The following KDR variants were observed in gnomAD, a reference collection of about 807,000 sequenced individuals.
KDR encodes the protein kinase insert domain receptor, also known as vascular endothelial growth factor receptor 2.
In KDR, 43 loss-of-function variants were observed where a neutral mutation model predicts 160.9. The ratio of observed to expected loss-of-function variants is 0.27; its 90% confidence interval spans 0.21 to 0.34. KDR has a LOEUF of 0.34. KDR is among the 10% of genes least tolerant of loss of function. The pLI is 1.00. For missense variants in KDR, 1,469 were observed against 1,666.4 expected (o/e 0.88, Z 2.06); for synonymous variants, 617 against 600.1 (o/e 1.03, Z -0.41).
At chr4:55,088,996 T>G in intron 25 of KDR, 23 bp from the exon 26 acceptor site, 1 of 1,496,902 alleles carries the variant, frequency 6.7e-7, no homozygotes. Context: ...AACACTGATT[T>G]CATTAAATGC....
chr4:55,087,908 A>C, intron 26 of KDR, 150 bp from the exon 27 acceptor site: 1 of 765,972 alleles, frequency 1.3e-6, no homozygotes. Flanking sequence ...AATACAAATC[A>C]TGTGTCAGAA....
At chr4:55,088,083 A>G (rs1719907269) in intron 26 of KDR, among the ~76,000 whole-genome samples, 1 of 152,146 alleles carries the variant, frequency 6.6e-6, no homozygotes, top group African/African-American at 2.4e-5. Flanking sequence ...TCACTCATTC[A>G]CAAAGCCCTA....
chr4:55,115,088 A>G (rs1344032664), intron 4 of KDR, 46 bp from the exon 5 acceptor site: 2 of 1,482,652 alleles, frequency 1.3e-6, no homozygotes. Flanking sequence ...AGTACCAAAA[A>G]TGAGAGCCAT....
chr4:55,112,523 A>ATT (rs72203928), intron 7 of KDR, among the ~76,000 whole-genome samples: 80 of 117,112 alleles, frequency 6.8e-4, no homozygotes, highest in South Asian at 1.4e-3. Context: ...TTATACCTTG[A>ATT]TTTTTTTTTT....
intron 15 of KDR, among the ~76,000 whole-genome samples, chr4:55,099,311 C>A (rs180714788): frequency 1.3e-5 from 2 of 152,208 alleles, no homozygotes; most frequent in African/African-American, 2.4e-5. Flanking sequence ...TAAGCCACCA[C>A]ACCTGGCCTA....
intron 12 of KDR, among the ~76,000 whole-genome samples, chr4:55,105,621 T>A (rs1720428627): frequency 1.3e-5 from 2 of 152,146 alleles, no homozygotes; most frequent in African/African-American, 4.8e-5. Flanking sequence ...AACCATTCTC[T>A]CTCCAGTGTA....
chr4:55,093,457 T>C (rs1048583284), intron 21 of KDR, among the ~76,000 whole-genome samples: 6 of 152,220 alleles, frequency 3.9e-5, no homozygotes, highest in African/African-American at 1.4e-4. Flanking sequence ...TTAGTTGTAG[T>C]AATAAATTCG....
In KDR at chr4:55,086,262, AG is replaced by A. The variant is rs530749002; in HGVS notation, c.3662+1344del. Among the ~76,000 whole-genome samples the A allele has an allele frequency of 3.1e-3, 478 of 152,314 alleles. 3 individuals are homozygous for A. Among genetic ancestry groups the A allele is most frequent in the Non-Finnish European group, 5.4e-3 (368 of 68,032 alleles). ...AGGTATCTTTTACTGAGTGCTTTCA[AG>A]GGCCAGGTGCTTAGAAATAGATTAT... On this transcript the variant is annotated intron_variant, in intron 27 of 29. Transcript: ENST00000263923.
rs1720319518 is a variant in KDR at position 55,101,889 on chromosome 4, C to G, written c.2266+8G>C. 1 of 1,611,260 alleles carries G rather than the reference C, an allele frequency of 6.2e-7. No individual in the cohort carries two copies. The highest frequency in any genetic ancestry group is 8.5e-7 in the Non-Finnish European group (1 of 1,178,412). On this transcript the variant is annotated splice_region_variant and intron_variant, in intron 15 of 29. Coordinates refer to ENST00000263923, the MANE Select transcript of KDR (RefSeq NM_002253.4). ...TATATGTACCACATTTTTTTTTATCCCACTGACCTTCTATTATGAAAAATG... is the reference window on the plus strand; with the variant it reads ...TATATGTACCACATTTTTTTTTATCGCACTGACCTTCTATTATGAAAAATG...
At position 55,118,576 on chromosome 4, in the gene KDR, G is replaced by A. The variant is rs1179173869; in HGVS notation, c.358+28C>T. ...TCTTTTATAACTGGTAAAGAGACGT[G>A]GGAAATGAATTTTATTTCACCACTT... On this transcript the variant is annotated intron_variant, in intron 3 of 29. Transcript: ENST00000263923. 2.6e-6 allele frequency: 4 copies of A among 1,561,016 alleles called. No individual in the cohort carries two copies. The South Asian group carries it at 4.4e-5, about 17-fold the overall frequency.
At chr4:55,095,472 C>T in intron 20 of KDR, 105 bp downstream of exon 20, 1 of 795,752 alleles carries the variant, frequency 1.3e-6, no homozygotes, top group Non-Finnish European at 2.2e-6. Context: ...TGAGAAGATT[C>T]CTCACAAGTT....
intron 4 of KDR, 50 bp downstream of exon 4, chr4:55,115,231 A>T: frequency 6.6e-7 from 1 of 1,505,304 alleles, no homozygotes; most frequent in Non-Finnish European, 9.2e-7. Context: ...TCTTAATATT[A>T]GCTTAAAATT....
chr4:55,091,597 A>G (rs1341717383), intron 22 of KDR, among the ~76,000 whole-genome samples: 1 of 152,234 alleles, frequency 6.6e-6, no homozygotes, highest in East Asian at 1.9e-4. Context: ...GAGAGAGAAC[A>G]TAAGAGCTAC....
Position 55,102,466 on chromosome 4 carries a change from G to A in KDR, c.2030C>T (p.Thr677Met), listed in dbSNP as rs200338299. ...PTITGNLENQ[T>M]TSIGESIEVS... Reference sequence around the variant, plus strand: ...TTCGATGCTTTCCCCAATACTTGTCGTCTGATTCTCCAGGTTTCCTGTGAT... The same window carrying A: ...TTCGATGCTTTCCCCAATACTTGTCATCTGATTCTCCAGGTTTCCTGTGAT... The change falls in exon 14 of 30, where the codon ACG (threonine) becomes ATG (methionine). Residue 677 changes from threonine to methionine, a missense_variant. By Grantham distance (81) the Thr-to-Met change is moderately conservative. This residue lies in a region of KDR where 792 missense variants were observed against 840.9 expected (regional missense o/e 0.94). Coordinates refer to ENST00000263923, the MANE Select transcript of KDR (RefSeq NM_002253.4). 37 of 1,613,696 alleles carry A rather than the reference G, an allele frequency of 2.3e-5. No individual in the cohort carries two copies. The highest frequency in any genetic ancestry group is 6.7e-5 in the African/African-American group (5 of 74,994).
At chr4:55,103,544 C>G (rs6848933) in intron 13 of KDR, among the ~76,000 whole-genome samples, 49,439 of 151,964 alleles carry the variant, frequency 0.33, 8,405 homozygotes, top group Admixed American at 0.46. Flanking sequence ...AACCTTGAAG[C>G]CAGACAAGCC....
intron 18 of KDR, among the ~76,000 whole-genome samples, chr4:55,097,221 C>A (rs556412423): frequency 5.3e-5 from 8 of 152,182 alleles, no homozygotes; most frequent in Non-Finnish European, 1.0e-4. Context: ...TGCAAATTAT[C>A]TTTTACATAT....
In KDR at chr4:55,095,651, T is replaced by C. The variant is rs140228618; in HGVS notation, c.2743A>G (p.Ile915Val). 184 of 1,613,132 alleles carry C rather than the reference T, an allele frequency of 1.1e-4. No homozygotes were observed. The highest frequency in any genetic ancestry group is 1.3e-4 in the Non-Finnish European group (159 of 1,179,332). The change falls in exon 20 of 30, where the codon ATT becomes GTT. Residue 915 changes from isoleucine (I) to valine (V), a missense_variant. This residue lies in a region of KDR where 151 missense variants were observed against 207.2 expected (regional missense o/e 0.73). Coordinates refer to ENST00000263923, the MANE Select transcript of KDR (RefSeq NM_002253.4). ...TTTCCAAATTTGCAGAATTCCACAA[T>C]CACCATGAGTGGCCCTGCAGGCAGC... ...CTKPGGPLMV[I>V]VEFCKFGNLS...
chr4:55,118,371 A>G lies in KDR; in HGVS notation c.358+233T>C, dbSNP rs528425657. 2.2e-3 allele frequency among the ~76,000 whole-genome samples: 333 copies of G among 152,330 alleles called. 1 individual carries two copies. The highest frequency in any genetic ancestry group is 3.7e-3 in the Non-Finnish European group (252 of 68,034). On this transcript the variant is annotated intron_variant, in intron 3 of 29. Transcript: ENST00000263923. Reference sequence around the variant, plus strand: ...AACAGTGAACACAGATTTACCTTGGAAACAAAGATCAGACCCAAACTAACT... The same window carrying G: ...AACAGTGAACACAGATTTACCTTGGGAACAAAGATCAGACCCAAACTAACT...
chr4:55,114,920 A>T lies in KDR; in HGVS notation c.612T>A (p.Ile204=), dbSNP rs369722306. 26 of 1,613,852 alleles carry T rather than the reference A, an allele frequency of 1.6e-5. No homozygotes were observed. Among genetic ancestry groups the T allele is most frequent in the Non-Finnish European group, 2.1e-5 (25 of 1,179,866 alleles). Residue 204 remains isoleucine (I), a synonymous_variant, in exon 5 of 30, where the codon ATT becomes ATA. Coordinates refer to ENST00000263923, the MANE Select transcript of KDR (RefSeq NM_002253.4). The part of the protein sequence containing the change: ...YAGMVFCEAK[I]NDESYQSIMY... ...TAATAGACTGGTAACTTTCATCATTAATTTTTGCTTCACAGAAGACCATGC... is the reference window on the plus strand; with the variant it reads ...TAATAGACTGGTAACTTTCATCATTTATTTTTGCTTCACAGAAGACCATGC...
Sources: allele counts gnomAD v4.1 joint callset (sites outside exome capture counted in the v4.1 genomes callset), GRCh38; gene constraint gnomAD v4.1.1; regional missense constraint gnomAD v4.1.1; transcripts MANE v1.5; gene names NCBI Gene and HGNC (gene_info 2026-07-23, HGNC 2026-07-21).